CACNB4: variants seen among roughly 807,000 people sequenced by gnomAD.
CACNB4 encodes the protein voltage-dependent L-type calcium channel subunit beta-4.
In CACNB4, 32 loss-of-function variants were observed where a neutral mutation model predicts 71.2. The ratio of observed to expected loss-of-function variants is 0.45; its 90% CI spans 0.34 to 0.60. The LOEUF is 0.60. Ranked by LOEUF, CACNB4 falls within the 20% of genes least tolerant of loss-of-function variation. The pLI, the probability that CACNB4 is intolerant of heterozygous loss-of-function variation, is 0.01. For missense variants in CACNB4, 464 were observed against 647.9 expected (o/e 0.72, Z 3.08); for synonymous variants, 231 against 236.9 (o/e 0.97, Z 0.23).
chr2:151,849,454 A>G (rs2099838470), intron 12 of CACNB4, among the ~76,000 whole-genome samples: 1 of 152,132 alleles, frequency 6.6e-6, no homozygotes, highest in African/African-American at 2.4e-5. Context: ...TATGTCTCCC[A>G]GGTTAAAGGG....
chr2:151,977,626 T>G (rs2099874052), intron 2 of CACNB4, among the ~76,000 whole-genome samples: 1 of 152,220 alleles, frequency 6.6e-6, no homozygotes. Flanking sequence ...AGTGAGAAGA[T>G]TAGCTATTAG....
intron 2 of CACNB4, among the ~76,000 whole-genome samples, chr2:151,919,772 A>G (rs1245854854): frequency 6.6e-6 from 1 of 152,186 alleles, no homozygotes; most frequent in African/African-American, 2.4e-5. Flanking sequence ...GGATCTAGCC[A>G]TGCCAAAAGA....
At chr2:151,903,506 G>C (rs1259755936) in intron 2 of CACNB4, among the ~76,000 whole-genome samples, 1 of 152,070 alleles carries the variant, frequency 6.6e-6, no homozygotes, top group Non-Finnish European at 1.5e-5. Flanking sequence ...GCAGCAGAGA[G>C]AGATTGTCTT....
At position 151,924,549 on chromosome 2, in the gene CACNB4, G is replaced by GTATA. The variant is rs150793926; in HGVS notation, c.148-41183_148-41180dup. Among the ~76,000 whole-genome samples, 14 of 150,924 alleles carry GTATA rather than the reference G, an allele frequency of 9.3e-5. No homozygotes were observed. In the East Asian group the frequency reaches 2.3e-3, roughly 25 times the overall value. On this transcript the variant is annotated intron_variant, in intron 2 of 13. Coordinates refer to ENST00000539935, the MANE Select transcript of CACNB4 (RefSeq NM_000726.5). ...GGTGTGTGCCATCATGGCTGCTATA[G>GTATA]TATATATATATAATTACATCATATA...
intron 2 of CACNB4, among the ~76,000 whole-genome samples, chr2:152,088,274 TA>T (rs1560192158): frequency 6.6e-6 from 1 of 151,998 alleles, no homozygotes. Context: ...CAATCAGCAT[TA>T]AATTGTTAGC....
chr2:151,886,095 G>A (rs1294732392), intron 2 of CACNB4, among the ~76,000 whole-genome samples: 1 of 152,144 alleles, frequency 6.6e-6, no homozygotes, highest in Non-Finnish European at 1.5e-5. Context: ...TTACAGGTGT[G>A]AACCGCTGTG....
intron 2 of CACNB4, among the ~76,000 whole-genome samples, chr2:152,092,759 G>A (rs1241419984): frequency 6.6e-6 from 1 of 151,640 alleles, no homozygotes. Flanking sequence ...AACCGTGGGG[G>A]ATACATTCCA....
In CACNB4 at chr2:151,855,397, AGATCCCGGT is replaced by A. The variant is rs540428163; in HGVS notation, c.869-31_869-23del. On this transcript the variant is annotated intron_variant, in intron 10 of 13. Coordinates refer to ENST00000539935, the MANE Select transcript of CACNB4 (RefSeq NM_000726.5). ...TCCGCTTAAAGGAAAAATAATAAAT[AGATCCCGGT>A]TATTGTTATGAATTAGTTCTTACAT... The A allele has an allele frequency of 1.4e-4, 216 of 1,547,590 alleles. 1 individual carries two copies. In the African/African-American group the frequency reaches 2.4e-3, roughly 17 times the overall value.
intron 2 of CACNB4, among the ~76,000 whole-genome samples, chr2:151,899,343 G>T (rs2151499349): frequency 6.6e-6 from 1 of 152,248 alleles, no homozygotes; most frequent in East Asian, 1.9e-4. Flanking sequence ...AAACAGTACT[G>T]GATCTGTGAA....
rs755411019 is a variant in CACNB4 at position 151,954,695 on chromosome 2, TAAAAG to T, written c.148-71330_148-71326del. 8.5e-4 allele frequency among the ~76,000 whole-genome samples: 129 copies of T among 152,170 alleles called. 1 individual carries two copies. Among genetic ancestry groups the T allele is most frequent in the Non-Finnish European group, 1.4e-3 (98 of 67,990 alleles). On this transcript the variant is annotated intron_variant, in intron 2 of 13. Coordinates refer to ENST00000539935, the MANE Select transcript of CACNB4 (RefSeq NM_000726.5). ...CTAAATTATGATCTGAACTTGGAAATAAAAGAGAAGAAGTTGAAAGAATCCTATTT... is the reference window on the plus strand; with the variant it reads ...CTAAATTATGATCTGAACTTGGAAATAGAAGAAGTTGAAAGAATCCTATTT...
intron 2 of CACNB4, among the ~76,000 whole-genome samples, chr2:151,995,565 C>A (rs1681993997): frequency 6.6e-6 from 1 of 152,174 alleles, no homozygotes; most frequent in Non-Finnish European, 1.5e-5. Flanking sequence ...AACAATTAGC[C>A]TGGCATGGTG....
chr2:151,948,920 T>C (rs189346174), intron 2 of CACNB4, among the ~76,000 whole-genome samples: 96 of 152,256 alleles, frequency 6.3e-4, no homozygotes, highest in African/African-American at 2.2e-3. Context: ...AGAGAATAAA[T>C]GGAATGATAG....
chr2:152,075,104 T>A (rs1341562793), intron 2 of CACNB4, among the ~76,000 whole-genome samples: 1 of 152,212 alleles, frequency 6.6e-6, no homozygotes, highest in Non-Finnish European at 1.5e-5. Flanking sequence ...TTAAATAGAA[T>A]AATTTGCATC....
intron 2 of CACNB4, among the ~76,000 whole-genome samples, chr2:151,920,384 A>G (rs1171487840): frequency 2.2e-5 from 3 of 138,470 alleles, no homozygotes; most frequent in African/African-American, 5.6e-5. Flanking sequence ...GTACAGTGGC[A>G]CAATGTTGGC....
intron 2 of CACNB4, among the ~76,000 whole-genome samples, chr2:151,930,410 TTTG>T (rs1340887962): frequency 6.6e-6 from 1 of 152,164 alleles, no homozygotes. Context: ...ACTAAAATTT[TTTG>T]ATATGGGGAG....
intron 10 of CACNB4, chr2:151,858,586 C>G (rs999667186): frequency 2.8e-4 from 43 of 152,306 alleles, no homozygotes; most frequent in African/African-American, 9.6e-4. Context: ...GGAAAACATT[C>G]TGAATGTAAC....
intron 2 of CACNB4, among the ~76,000 whole-genome samples, chr2:151,938,378 C>T (rs1254602961): frequency 6.6e-6 from 1 of 152,196 alleles, no homozygotes; most frequent in Non-Finnish European, 1.5e-5. Context: ...GACCTACTTA[C>T]TTAGCCTCTG....
At chr2:151,844,846 GGTT>G (rs953308201) in intron 12 of CACNB4, among the ~76,000 whole-genome samples, 1 of 152,140 alleles carries the variant, frequency 6.6e-6, no homozygotes, top group Non-Finnish European at 1.5e-5. Flanking sequence ...ACTTGGAGTT[GGTT>G]GTTTATATCA....
chr2:152,087,431 CAAA>C (rs754057435), intron 2 of CACNB4, among the ~76,000 whole-genome samples: 5 of 79,436 alleles, frequency 6.3e-5, no homozygotes, highest in Non-Finnish European at 5.1e-5. Context: ...GACCCCATCT[CAAA>C]AAAAAAAAAA....
Sources: allele counts gnomAD v4.1 joint callset (sites outside exome capture counted in the v4.1 genomes callset), GRCh38; gene constraint gnomAD v4.1.1; transcripts MANE v1.5; gene names NCBI Gene and HGNC (gene_info 2026-07-23, HGNC 2026-07-21).